The following PHLDB2 variants were observed in gnomAD, a reference collection of about 807,000 sequenced individuals.
The protein encoded by PHLDB2 is pleckstrin homology like domain family B member 2, also known as pleckstrin homology-like domain family B member 2.
PHLDB2 carries 71 observed loss-of-function variants against 123.6 expected under a neutral mutation model. That is an observed-to-expected ratio of 0.57 (90% confidence interval 0.47 to 0.70). The LOEUF (loss-of-function observed/expected upper bound fraction) is 0.70. Ranked by LOEUF, PHLDB2 falls within the 30% of genes least tolerant of loss-of-function variation. The pLI, the probability that PHLDB2 is intolerant of heterozygous loss-of-function variation, is 0.00. For synonymous variants in PHLDB2, 547 were observed against 541.6 expected (o/e 1.01, Z -0.14); for missense variants, 1,446 against 1,519.5 (o/e 0.95, Z 0.80).
chr3:111,873,219 G>A (rs1325556863), intron 1 of PHLDB2, among the ~76,000 whole-genome samples: 2 of 152,148 alleles, frequency 1.3e-5, no homozygotes, highest in African/African-American at 4.8e-5. Context: ...GGAAAATTCT[G>A]CTGTTATATT....
At chr3:111,919,325 C>A in intron 4 of PHLDB2, 110 bp downstream of exon 4, 1 of 1,117,092 alleles carries the variant, frequency 9.0e-7, no homozygotes, top group Non-Finnish European at 1.3e-6. Context: ...TCAACACAAG[C>A]AAACATTTAT....
intron 1 of PHLDB2, among the ~76,000 whole-genome samples, chr3:111,867,665 T>C (rs2065149159): frequency 2.0e-5 from 3 of 152,298 alleles, no homozygotes; most frequent in Admixed American, 2.0e-4. Context: ...GTTTCCAGTC[T>C]GAAATTCTCT....
chr3:111,949,754 A>G (rs2070587347), intron 10 of PHLDB2: 1 of 985,674 alleles, frequency 1.0e-6, no homozygotes, highest in Non-Finnish European at 1.2e-6. Context: ...CTTTCTCCTC[A>G]TCCTATCACT....
At chr3:111,887,638 A>G (rs1303395777) in intron 2 of PHLDB2, among the ~76,000 whole-genome samples, 1 of 152,194 alleles carries the variant, frequency 6.6e-6, no homozygotes. Context: ...TAAAACATTA[A>G]AAATAATACT....
intron 1 of PHLDB2, among the ~76,000 whole-genome samples, chr3:111,882,998 A>C (rs1490426739): frequency 6.6e-6 from 1 of 152,230 alleles, no homozygotes; most frequent in Admixed American, 6.5e-5. Context: ...GATACTGTTT[A>C]TATATAGACC....
intron 1 of PHLDB2, among the ~76,000 whole-genome samples, chr3:111,874,461 G>T (rs1017429057): frequency 2.0e-5 from 3 of 152,104 alleles, no homozygotes; most frequent in African/African-American, 7.2e-5. Flanking sequence ...TAGTAACAAA[G>T]AAACCCCAAA....
At chr3:111,966,456 TA>T (rs2071762396) in intron 13 of PHLDB2, among the ~76,000 whole-genome samples, 156 bp from the exon 14 acceptor site, 1 of 152,112 alleles carries the variant, frequency 6.6e-6, no homozygotes, top group Non-Finnish European at 1.5e-5. Flanking sequence ...TAACATTCTT[TA>T]AATTATATAT....
In PHLDB2 at chr3:111,884,190, T is replaced by C; in HGVS notation, c.113T>C (p.Leu38Pro). Residue 38 changes from leucine (L) to proline (P), a missense_variant, in exon 2 of 18, where the codon CTC (leucine) becomes CCC (proline). Leu to Pro is a moderately conservative substitution (Grantham distance 98). Coordinates refer to ENST00000431670, the MANE Select transcript of PHLDB2 (RefSeq NM_001134438.2). Reference sequence around the variant, plus strand: ...GATTCCCAAAACATGATGGAGAGCCTCAGCCCAAAGAAATACTCTTCCAGT... The same window carrying C: ...GATTCCCAAAACATGATGGAGAGCCCCAGCCCAAAGAAATACTCTTCCAGT... ...ENDSQNMMES[L>P]SPKKYSSSLR... 1 of 1,614,188 alleles carries C rather than the reference T, an allele frequency of 6.2e-7. No homozygotes were observed. The highest frequency in any genetic ancestry group is 2.2e-5 in the East Asian group (1 of 44,886).
At chr3:111,734,589 A>G (rs1941623134) in intron 1 of PHLDB2, among the ~76,000 whole-genome samples, 1 of 152,128 alleles carries the variant, frequency 6.6e-6, no homozygotes, top group Non-Finnish European at 1.5e-5. Context: ...CCATTTCCTG[A>G]ATATTGGATA....
intron 2 of PHLDB2, among the ~76,000 whole-genome samples, chr3:111,888,155 A>G (rs927420806): frequency 6.6e-6 from 1 of 152,076 alleles, no homozygotes; most frequent in Non-Finnish European, 1.5e-5. Context: ...TACCTATAAT[A>G]TTAAAAATAT....
chr3:111,874,737 G>A (rs6786077), intron 1 of PHLDB2, among the ~76,000 whole-genome samples: 72,710 of 152,024 alleles, frequency 0.48, 18,340 homozygotes, highest in East Asian at 0.78. Flanking sequence ...CTATGTTCCT[G>A]AAAGGAGAAG....
chr3:111,920,286 A>T lies in PHLDB2; in HGVS notation c.1868A>T (p.Asp623Val). 1 of 1,613,580 alleles carries T rather than the reference A, an allele frequency of 6.2e-7. No individual in the cohort carries two copies. The highest frequency in any genetic ancestry group is 8.5e-7 in the Non-Finnish European group (1 of 1,179,820). Residue 623 changes from aspartate (D) to valine (V), a missense_variant, in exon 5 of 18, where the codon GAT (aspartate) becomes GTT (valine). Physicochemically the swap from Asp to Val is radical, Grantham distance 152. This residue lies in a region of PHLDB2 where 832 missense variants were observed against 831.9 expected (regional missense o/e 1.00). Coordinates refer to ENST00000431670, the MANE Select transcript of PHLDB2 (RefSeq NM_001134438.2). The stretch of plus-strand genomic sequence containing the variant: ...AGCTTTGGTTTGTGTCCTTAGTTGG[A>T]TATGGAATGTGCTCTTTTGGATGGA... ...DQMDESFREL[D>V]MECALLDGEQ...
At chr3:111,948,421 G>A (rs1011262598) in intron 9 of PHLDB2, among the ~76,000 whole-genome samples, 9 of 152,158 alleles carry the variant, frequency 5.9e-5, no homozygotes, top group African/African-American at 2.2e-4. Context: ...TGTTTTCTTA[G>A]TGTAAAACCC....
In PHLDB2 at chr3:111,812,240, T is replaced by A. The variant is rs566115115; in HGVS notation, c.-48-33581T>A. Reference sequence around the variant, plus strand: ...TCCATATATCCAGGCCATCTTTCTGTGATCACCATTTGTTTTCAGTTGATA... The same window carrying A: ...TCCATATATCCAGGCCATCTTTCTGAGATCACCATTTGTTTTCAGTTGATA... On this transcript the variant is annotated intron_variant, in intron 1 of 17. Transcript: ENST00000393923. Among the ~76,000 whole-genome samples the A allele has an allele frequency of 1.5e-4, 23 of 152,336 alleles. No individual in the cohort carries two copies. In the Middle Eastern group the frequency reaches 0.014, roughly 90 times the overall value.
At chr3:111,941,088 A>G (rs712511) in intron 8 of PHLDB2, among the ~76,000 whole-genome samples, 3,449 of 152,256 alleles carry the variant, frequency 0.023, 128 homozygotes, top group African/African-American at 0.078. Flanking sequence ...CTTTCTAGCA[A>G]ATGTCACATT....
intron 1 of PHLDB2, among the ~76,000 whole-genome samples, chr3:111,834,270 C>T (rs192722110): frequency 2.2e-3 from 168 of 75,186 alleles, no homozygotes; most frequent in African/African-American, 0.012. Context: ...CTATTATATA[C>T]ATAATATATA....
chr3:111,928,265 C>T (rs1011338410), intron 5 of PHLDB2, among the ~76,000 whole-genome samples: 1 of 152,126 alleles, frequency 6.6e-6, no homozygotes, highest in Non-Finnish European at 1.5e-5. Context: ...GGCATTAGGA[C>T]CAAATATTTT....
chr3:111,780,352 G>C (rs994279478), intron 1 of PHLDB2, among the ~76,000 whole-genome samples: 7 of 25,172 alleles, frequency 2.8e-4, no homozygotes, highest in African/African-American at 4.8e-4. Context: ...AGAAGAAGAA[G>C]AAGAAGAAGA....
intron 15 of PHLDB2, among the ~76,000 whole-genome samples, chr3:111,969,180 C>T (rs552061952): frequency 2.0e-3 from 302 of 152,212 alleles, no homozygotes; most frequent in African/African-American, 7.0e-3. Context: ...CAATTTCTAT[C>T]GGAATATATG....
Sources: allele counts gnomAD v4.1 joint callset (sites outside exome capture counted in the v4.1 genomes callset), GRCh38; gene constraint gnomAD v4.1.1; regional missense constraint gnomAD v4.1.1; transcripts MANE v1.5; gene names NCBI Gene and HGNC (gene_info 2026-07-23, HGNC 2026-07-21).